ARHGAP39: variants seen among roughly 807,000 people sequenced by gnomAD.
ARHGAP39 encodes the protein Rho GTPase activating protein 39.
ARHGAP39 carries 44 observed loss-of-function variants against 106.9 expected under a neutral mutation model. That is an observed-to-expected ratio of 0.41 (90% confidence interval 0.32 to 0.53). The LOEUF (loss-of-function observed/expected upper bound fraction) is 0.53. Among genes scored for constraint, ARHGAP39 ranks in the 20% least tolerant of loss-of-function variants. The pLI is 0.21. For missense variants in ARHGAP39, 1,496 were observed against 1,577.3 expected (o/e 0.95, Z 0.87); for synonymous variants, 768 against 693.2 (o/e 1.11, Z -1.69).
At chr8:144,660,210 G>A (rs1193835175) in intron 1 of ARHGAP39, among the ~76,000 whole-genome samples, 3 of 152,170 alleles carry the variant, frequency 2.0e-5, no homozygotes, top group African/African-American at 4.8e-5. Context: ...GCACCTTGGC[G>A]TCAGCTCTGC....
Position 144,539,910 on chromosome 8 carries a change from G to A in ARHGAP39, c.2522-2097C>T, listed in dbSNP as rs546968674. On this transcript the variant is annotated intron_variant, in intron 6 of 11. Coordinates refer to ENST00000377307, the MANE Select transcript of ARHGAP39 (RefSeq NM_025251.3). Reference sequence around the variant, plus strand: ...TTCCTATGCATTTTAGAATCAGCCTGTCAATTTCTAAAACAAAAAAAAGTG... The same window carrying A: ...TTCCTATGCATTTTAGAATCAGCCTATCAATTTCTAAAACAAAAAAAAGTG... Among the ~76,000 whole-genome samples, 58 of 152,306 alleles carry A rather than the reference G, an allele frequency of 3.8e-4. No homozygotes were observed. In the South Asian group the frequency reaches 4.4e-3, roughly 11 times the overall value.
chr8:144,653,313 T>C (rs969375973), intron 1 of ARHGAP39, among the ~76,000 whole-genome samples: 11 of 151,798 alleles, frequency 7.2e-5, no homozygotes, highest in African/African-American at 2.7e-4. Flanking sequence ...GAAAAATAAA[T>C]AAAAGAAAAT....
chr8:144,569,666 G>A (rs1413776015), intron 3 of ARHGAP39, among the ~76,000 whole-genome samples: 1 of 152,240 alleles, frequency 6.6e-6, no homozygotes, highest in African/African-American at 2.4e-5. Context: ...AGGAGGGCAA[G>A]GAGACTTCTG....
chr8:144,579,889 CCA>C (rs1361873836), intron 3 of ARHGAP39, among the ~76,000 whole-genome samples: 4 of 152,130 alleles, frequency 2.6e-5, no homozygotes, highest in African/African-American at 9.7e-5. Flanking sequence ...TCCATCCTCT[CCA>C]GAGTGGCCTC....
In ARHGAP39 at chr8:144,685,810, G is replaced by A. The variant is rs1318680378; in HGVS notation, c.-206C>T. Among the ~76,000 whole-genome samples, 5 of 147,756 alleles carry A rather than the reference G, an allele frequency of 3.4e-5. No homozygotes were observed. The highest frequency in any genetic ancestry group is 7.5e-5 in the Non-Finnish European group (5 of 66,320). On this transcript the variant is annotated 5_prime_UTR_variant, in exon 1 of 12. Coordinates refer to ENST00000377307, the MANE Select transcript of ARHGAP39 (RefSeq NM_025251.3). ...CGCTGCTGCCGCGGCAGCCCGTGCTGTCGGCGTCCTCCGCCGCCGCCGCCG... is the reference window on the plus strand; with the variant it reads ...CGCTGCTGCCGCGGCAGCCCGTGCTATCGGCGTCCTCCGCCGCCGCCGCCG...
chr8:144,627,874 C>T (rs986207785), intron 1 of ARHGAP39, among the ~76,000 whole-genome samples: 6 of 152,252 alleles, frequency 3.9e-5, no homozygotes, highest in Non-Finnish European at 8.8e-5. Flanking sequence ...CACAGCAGTG[C>T]TCTGCCAGGC....
chr8:144,569,076 C>T (rs1003552687), intron 3 of ARHGAP39, among the ~76,000 whole-genome samples: 1 of 151,982 alleles, frequency 6.6e-6, no homozygotes, highest in East Asian at 1.9e-4. Context: ...GGAAAACTCA[C>T]AATAAAGACA....
At position 144,547,984 on chromosome 8, in the gene ARHGAP39, A is replaced by T; in HGVS notation, c.1102T>A (p.Cys368Ser). 6.2e-7 allele frequency: 1 copy of T among 1,609,510 alleles called. No homozygotes were observed. The highest frequency in any genetic ancestry group is 8.5e-7 in the Non-Finnish European group (1 of 1,178,798). ...TGCTTGGTGAGCACCAGCTGCTGGC[A>T]GGGCGAGGGGGGGCCCTGCTTGTTG... ...QPNKQGPPSPCQQLVLTKQKC... is the reference protein window; with the variant it reads ...QPNKQGPPSPSQQLVLTKQKC... Residue 368 changes from cysteine (C) to serine (S), a missense_variant, in exon 5 of 12, where the codon TGC becomes AGC. Physicochemically the swap from Cys to Ser is moderately radical, Grantham distance 112 (BLOSUM62 -1). Transcript: ENST00000377307. This position sits in a 1 kb window ranked among gnomAD's most constrained non-coding sequence, Gnocchi z 5.2.
intron 3 of ARHGAP39, among the ~76,000 whole-genome samples, chr8:144,569,220 T>C (rs1340297600): frequency 6.6e-6 from 1 of 152,228 alleles, no homozygotes; most frequent in East Asian, 1.9e-4. Flanking sequence ...AGAGGGTCAA[T>C]GATGAAGGGA....
chr8:144,610,243 G>A (rs111994166), intron 1 of ARHGAP39, among the ~76,000 whole-genome samples: 4,663 of 152,074 alleles, frequency 0.031, 237 homozygotes, highest in African/African-American at 0.11. Flanking sequence ...GAAGCTTATC[G>A]ATTTTACTGA....
At chr8:144,651,490 G>T (rs1345953146) in intron 1 of ARHGAP39, among the ~76,000 whole-genome samples, 1 of 152,096 alleles carries the variant, frequency 6.6e-6, no homozygotes. Context: ...ATCACCTGAG[G>T]TCGGGAGTTT....
intron 1 of ARHGAP39, among the ~76,000 whole-genome samples, chr8:144,667,049 G>A (rs551645664): frequency 1.1e-4 from 16 of 152,226 alleles, no homozygotes; most frequent in Middle Eastern, 3.4e-3. Flanking sequence ...AAACCATTTC[G>A]AACCAATCAA....
At chr8:144,687,798 G>A (rs1396363962), upstream of ARHGAP39, among the ~76,000 whole-genome samples, 2 of 101,026 alleles carry the variant, frequency 2.0e-5, no homozygotes, top group African/African-American at 8.1e-5. Flanking sequence ...TTCCCACCCC[G>A]TGACCACACA....
At chr8:144,694,722 G>A in the ARHGAP39 span, among the ~76,000 whole-genome samples, 4 of 152,252 alleles carry the variant, frequency 2.6e-5, no homozygotes, top group African/African-American at 7.2e-5. Flanking sequence ...ATGGCAGTGC[G>A]GCAAAAGCCA....
chr8:144,600,556 G>A (rs111286442), intron 2 of ARHGAP39, among the ~76,000 whole-genome samples: 11 of 150,878 alleles, frequency 7.3e-5, no homozygotes, highest in African/African-American at 1.5e-4. Flanking sequence ...CTGAGTGTGC[G>A]TGTGCGTGGA....
chr8:144,551,095 C>T (rs944663521), intron 4 of ARHGAP39, among the ~76,000 whole-genome samples: 2 of 152,178 alleles, frequency 1.3e-5, no homozygotes, highest in African/African-American at 4.8e-5. Flanking sequence ...TTAACAGATA[C>T]TGCCTTAGGC....
At chr8:144,577,346 G>C (rs1040052733) in intron 3 of ARHGAP39, among the ~76,000 whole-genome samples, 2 of 152,130 alleles carry the variant, frequency 1.3e-5, no homozygotes, top group African/African-American at 4.8e-5. Flanking sequence ...GAGAAACCAC[G>C]TGATCATCTT....
chr8:144,660,362 T>A (rs1821792574), intron 1 of ARHGAP39, among the ~76,000 whole-genome samples: 1 of 152,166 alleles, frequency 6.6e-6, no homozygotes, highest in Non-Finnish European at 1.5e-5. Flanking sequence ...TACTACCATA[T>A]TAAAGAATCT....
At chr8:144,687,787 C>T (rs1353283425), upstream of ARHGAP39, among the ~76,000 whole-genome samples, 1 of 122,788 alleles carries the variant, frequency 8.1e-6, no homozygotes, top group East Asian at 3.5e-4. Context: ...GCGGTGAGCA[C>T]TTCCCACCCC....
Sources: gnomAD v4.1 joint callset for allele counts (sites outside exome capture counted in the v4.1 genomes callset) on GRCh38, gnomAD v4.1.1 for gene constraint, Gnocchi (gnomAD v3.1) non-coding constraint, MANE v1.5 for transcripts, NCBI Gene and HGNC (gene_info 2026-07-23, HGNC 2026-07-21) for gene names.